The following ROBO2 variants were observed in gnomAD, a reference collection of about 807,000 sequenced individuals.
ROBO2 encodes the protein roundabout homolog 2.
In ROBO2, 53 loss-of-function variants were observed where a neutral mutation model predicts 160.8. The observed-to-expected ratio is 0.33, with a 90% CI of 0.26 to 0.41. ROBO2 has a LOEUF of 0.41. Ranked by LOEUF, ROBO2 falls within the 10% of genes least tolerant of loss-of-function variation. ROBO2 has a pLI of 1.00. For synonymous variants in ROBO2, 664 were observed against 611.7 expected (o/e 1.09, Z -1.26); for missense variants, 1,577 against 1,722.4 (o/e 0.92, Z 1.49).
intron 2 of ROBO2, among the ~76,000 whole-genome samples, chr3:76,866,354 T>A (rs2071371307): frequency 6.6e-6 from 1 of 152,180 alleles, no homozygotes; most frequent in Non-Finnish European, 1.5e-5. Flanking sequence ...TCTGTTATTA[T>A]CAATCACATA....
chr3:77,568,202 TTTTG>T, intron 12 of ROBO2, 107 bp from the exon 14 acceptor site: 1 of 1,298,714 alleles, frequency 7.7e-7, no homozygotes, highest in South Asian at 1.3e-5. Context: ...AGAGTTTTCG[TTTTG>T]TTTCCCTGTA....
At chr3:76,348,333 G>A (rs1205469198) in intron 2 of ROBO2, among the ~76,000 whole-genome samples, 1 of 152,156 alleles carries the variant, frequency 6.6e-6, no homozygotes, top group East Asian at 1.9e-4. Context: ...TAAAGTGGAG[G>A]TGGGGCAAAT....
At chr3:76,750,604 A>G (rs1429547027) in intron 2 of ROBO2, among the ~76,000 whole-genome samples, 1 of 152,074 alleles carries the variant, frequency 6.6e-6, no homozygotes, top group Non-Finnish European at 1.5e-5. Flanking sequence ...CAAAGTCAGG[A>G]TACAAAATCA....
At chr3:77,580,667 A>G (rs986005898) in intron 16 of ROBO2, among the ~76,000 whole-genome samples, 2 of 152,094 alleles carry the variant, frequency 1.3e-5, no homozygotes, top group African/African-American at 4.8e-5. Context: ...ACAGAATGTG[A>G]TTTTTTAAAT....
At chr3:76,352,914 A>C (rs2074961510) in intron 2 of ROBO2, among the ~76,000 whole-genome samples, 1 of 152,020 alleles carries the variant, frequency 6.6e-6, no homozygotes, top group South Asian at 2.1e-4. Flanking sequence ...AGCAAGGCAC[A>C]CGTGGCTTTT....
chr3:76,730,010 TCTTA>T (rs1652948687), intron 2 of ROBO2, among the ~76,000 whole-genome samples: 1 of 152,164 alleles, frequency 6.6e-6, no homozygotes, highest in African/African-American at 2.4e-5. Flanking sequence ...TGATTTACTT[TCTTA>T]GTTTGGGAAT....
At chr3:76,493,678 T>A (rs945595212) in intron 2 of ROBO2, among the ~76,000 whole-genome samples, 5 of 152,082 alleles carry the variant, frequency 3.3e-5, no homozygotes, top group Non-Finnish European at 7.4e-5. Context: ...CCATTTACTA[T>A]CGATTTCCGT....
chr3:76,921,825 T>C (rs913209714), intron 2 of ROBO2, among the ~76,000 whole-genome samples: 1 of 152,190 alleles, frequency 6.6e-6, no homozygotes, highest in Non-Finnish European at 1.5e-5. Context: ...TTTAACAGAA[T>C]TTTTAGACTC....
At chr3:76,327,753 C>T (rs1169209632) in intron 2 of ROBO2, among the ~76,000 whole-genome samples, 1 of 152,098 alleles carries the variant, frequency 6.6e-6, no homozygotes, top group East Asian at 1.9e-4. Flanking sequence ...CATTTTGGCT[C>T]CATTCATATG....
intron 2 of ROBO2, among the ~76,000 whole-genome samples, chr3:77,224,420 T>G (rs2086220728): frequency 1.3e-5 from 2 of 151,960 alleles, no homozygotes; most frequent in Admixed American, 1.3e-4. Context: ...AGTGATATTC[T>G]TTGCTTATCC....
At chr3:76,664,546 A>G (rs1453862579) in intron 2 of ROBO2, among the ~76,000 whole-genome samples, 2 of 152,234 alleles carry the variant, frequency 1.3e-5, no homozygotes, top group Admixed American at 1.3e-4. Context: ...AGAGGTTTAA[A>G]GTAGAGATAA....
At chr3:76,243,952 G>A (rs935475031) in intron 2 of ROBO2, among the ~76,000 whole-genome samples, 2 of 151,920 alleles carry the variant, frequency 1.3e-5, no homozygotes, top group African/African-American at 4.8e-5. Context: ...TGGGAAGAAG[G>A]GAGCTTGGGG....
rs908180842 is a variant in ROBO2, at chr3:77,297,590, C to A, written c.389-179824C>A. Among the ~76,000 whole-genome samples the A allele has an allele frequency of 2.6e-5, 4 of 152,096 alleles. No individual in the cohort carries two copies. The South Asian group carries it at 6.2e-4, about 24-fold the overall frequency. ...GCCTCCTCTGGAAGCTTGCCATTGG[C>A]TACATCAGATTTTACATGTTGCGTT... is the stretch of plus-strand genomic sequence containing the variant. On this transcript the variant is annotated intron_variant, in intron 2 of 25. Transcript: ENST00000461745.
intron 2 of ROBO2, among the ~76,000 whole-genome samples, chr3:76,839,106 A>G (rs1282940802): frequency 6.6e-6 from 1 of 152,180 alleles, no homozygotes; most frequent in East Asian, 1.9e-4. Flanking sequence ...AAATTCAGAA[A>G]TGGCAGAGCA....
intron 2 of ROBO2, among the ~76,000 whole-genome samples, chr3:76,468,150 C>A (rs2078458767): frequency 6.6e-6 from 1 of 151,912 alleles, no homozygotes; most frequent in African/African-American, 2.4e-5. Flanking sequence ...CTATTATTGC[C>A]CCTGTTTTGG....
intron 2 of ROBO2, among the ~76,000 whole-genome samples, chr3:76,765,998 C>T (rs567573962): frequency 6.6e-6 from 1 of 151,818 alleles, no homozygotes; most frequent in East Asian, 2.0e-4. Context: ...CTTTTTAGAT[C>T]TCAATTAATC....
chr3:76,560,143 C>T (rs1193488703), intron 2 of ROBO2, among the ~76,000 whole-genome samples: 1 of 151,914 alleles, frequency 6.6e-6, no homozygotes, highest in Admixed American at 6.6e-5. Flanking sequence ...CTGAATTTCC[C>T]ATCTGCTTGA....
intron 2 of ROBO2, among the ~76,000 whole-genome samples, chr3:76,963,482 A>G (rs557610549): frequency 1.1e-4 from 16 of 152,328 alleles, no homozygotes; most frequent in Middle Eastern, 3.4e-3. Flanking sequence ...TTCTAAAGAA[A>G]GAAGTAAAAT....
chr3:77,365,179 A>C (rs1020112980), intron 2 of ROBO2, among the ~76,000 whole-genome samples: 1 of 151,224 alleles, frequency 6.6e-6, no homozygotes, highest in Non-Finnish European at 1.5e-5. Context: ...AAAGAAAAAG[A>C]AGAGGTTCTA....
Sources: gnomAD v4.1 joint callset for allele counts (sites outside exome capture counted in the v4.1 genomes callset) on GRCh38, gnomAD v4.1.1 for gene constraint, MANE v1.5 for transcripts, NCBI Gene and HGNC (gene_info 2026-07-23, HGNC 2026-07-21) for gene names.